The following SLCO3A1 variants were observed in gnomAD, a reference collection of about 807,000 sequenced individuals.
SLCO3A1 encodes PGE1 transporter.
Under a neutral mutation model 63.1 loss-of-function variants are expected in SLCO3A1, and 27 were observed. That is an observed-to-expected ratio of 0.43 (90% CI 0.32 to 0.59). SLCO3A1 has a LOEUF of 0.59. Ranked by LOEUF, SLCO3A1 falls within the 20% of genes least tolerant of loss-of-function variation. The pLI, the probability that SLCO3A1 is intolerant of heterozygous loss-of-function variation, is 0.09. For missense variants in SLCO3A1, 773 were observed against 945.8 expected, an observed-to-expected ratio of 0.82 and a Z score of 2.40; for synonymous variants, 473 against 409.9, an observed-to-expected ratio of 1.15 and a Z score of -1.86.
chr15:91,974,042 G>A (rs1900991433), intron 2 of SLCO3A1, among the ~76,000 whole-genome samples: 1 of 152,106 alleles, frequency 6.6e-6, no homozygotes. Context: ...GCAGGCACCA[G>A]TAGGTGACAA....
intron 2 of SLCO3A1, among the ~76,000 whole-genome samples, chr15:92,029,290 T>C (rs1329659634): frequency 6.6e-6 from 1 of 152,182 alleles, no homozygotes; most frequent in African/African-American, 2.4e-5. Flanking sequence ...TCCCTGGCGA[T>C]GGGAACAGCT....
chr15:91,943,447 T>C (rs1170233365), intron 2 of SLCO3A1, among the ~76,000 whole-genome samples: 1 of 152,216 alleles, frequency 6.6e-6, no homozygotes, highest in Non-Finnish European at 1.5e-5. Context: ...TCATATTTCA[T>C]TGTAGGTGTA....
intron 2 of SLCO3A1, among the ~76,000 whole-genome samples, chr15:91,993,828 C>T (rs1385391385): frequency 6.6e-6 from 1 of 152,218 alleles, no homozygotes; most frequent in East Asian, 1.9e-4. Flanking sequence ...ACCCTGCTCT[C>T]TTGGATCGCT....
Position 92,164,970 on chromosome 15 carries a change from G to GATTT in SLCO3A1, c.*1838_*1839insTATT. 1.0e-6 allele frequency: 1 copy of GATTT among 985,290 alleles called. No individual in the cohort carries two copies. The highest frequency in any genetic ancestry group is 1.2e-6 in the Non-Finnish European group (1 of 829,900). The allele number at this position is 985,290 out of a possible 1,614,324, so 61.0% of individuals were successfully genotyped here. ...GCGCTGGAAAAAAAACTCAAAGGTT[G>GATTT]ATTGGTTTGCTTTTTCACCTTGGAC... is the stretch of plus-strand genomic sequence containing the variant. On this transcript the variant is annotated 3_prime_UTR_variant, in exon 10 of 10. Transcript: ENST00000318445.
downstream of SLCO3A1, among the ~76,000 whole-genome samples, chr15:92,169,815 T>C (rs1405768028): frequency 1.3e-5 from 2 of 152,168 alleles, no homozygotes; most frequent in Non-Finnish European, 2.9e-5. Context: ...GGGGCACTTG[T>C]CATATTGAGT....
intron 3 of SLCO3A1, among the ~76,000 whole-genome samples, chr15:92,099,554 G>GGGTT (rs1159062221): frequency 1.3e-5 from 2 of 152,150 alleles, no homozygotes; most frequent in Non-Finnish European, 2.9e-5. Flanking sequence ...GCGTGTGGGT[G>GGGTT]GGTTGGTTGG....
chr15:92,028,991 C>T (rs2046612937), intron 2 of SLCO3A1, among the ~76,000 whole-genome samples: 1 of 149,844 alleles, frequency 6.7e-6, no homozygotes, highest in Admixed American at 6.7e-5. Flanking sequence ...ACCCCCAAAA[C>T]TGCCAGTTGA....
At chr15:91,999,878 C>T (rs1425886711) in intron 2 of SLCO3A1, among the ~76,000 whole-genome samples, 2 of 152,274 alleles carry the variant, frequency 1.3e-5, no homozygotes, top group South Asian at 2.1e-4. Context: ...AATATACTCT[C>T]GAAAACCATA....
At chr15:92,128,230 A>C in intron 6 of SLCO3A1, 121 bp from the exon 7 acceptor site, 1 of 1,187,382 alleles carries the variant, frequency 8.4e-7, no homozygotes, top group Non-Finnish European at 1.2e-6. Context: ...GAACCAGGTA[A>C]CAATCCCATA....
At chr15:91,993,951 A>G (rs757924072) in intron 2 of SLCO3A1, among the ~76,000 whole-genome samples, 1 of 152,312 alleles carries the variant, frequency 6.6e-6, no homozygotes, top group Non-Finnish European at 1.5e-5. Context: ...CTTTCCAGCC[A>G]TGAAAAGAAG....
At chr15:91,903,128 T>C (rs1479480686) in intron 1 of SLCO3A1, among the ~76,000 whole-genome samples, 2 of 152,182 alleles carry the variant, frequency 1.3e-5, no homozygotes, top group African/African-American at 4.8e-5. Context: ...AGTCAGCTCA[T>C]TGGATTCTCA....
At chr15:92,135,654 G>A (rs1478512535) in intron 7 of SLCO3A1, among the ~76,000 whole-genome samples, 1 of 152,214 alleles carries the variant, frequency 6.6e-6, no homozygotes, top group Non-Finnish European at 1.5e-5. Context: ...TCTGAGGAAC[G>A]TCAGTGAATT....
chr15:91,889,049 A>G lies in SLCO3A1; in HGVS notation c.181-26944A>G, dbSNP rs8037878. On this transcript the variant is annotated intron_variant, in intron 1 of 9. Coordinates refer to ENST00000318445, the MANE Select transcript of SLCO3A1 (RefSeq NM_013272.4). ...AAGAAAAACCAAAAAAAAAAAACCT[A>G]CAATTATTACTAGCTAACATATAGC... is the stretch of plus-strand genomic sequence containing the variant. The G allele has an allele frequency of 8.0e-3, 5,793 of 727,478 alleles. 299 individuals are homozygous for G. The African/African-American group carries it at 0.11, about 13-fold the overall frequency. 45.1% of individuals were successfully genotyped at this position (727,478 alleles called of 1,614,324 possible). A position where few individuals can be genotyped will look rare whatever the true frequency, so the allele number is the denominator to read the frequency against.
chr15:91,896,635 G>A (rs1268040627), intron 1 of SLCO3A1, among the ~76,000 whole-genome samples: 2 of 152,234 alleles, frequency 1.3e-5, no homozygotes. Context: ...TGTAAGACAT[G>A]CCTTTGCTTC....
chr15:92,101,477 C>A (rs575132653), intron 3 of SLCO3A1, among the ~76,000 whole-genome samples: 1 of 152,130 alleles, frequency 6.6e-6, no homozygotes, highest in Admixed American at 6.5e-5. Context: ...CCACTGCACT[C>A]CAGCCTGGCC....
rs1900205094 is a variant in SLCO3A1 at position 91,956,967 on chromosome 15, TATATATATAGTATATATAATATATAGTA to T, written c.646+40510_646+40537del. Reference sequence around the variant, plus strand: ...CATGCCTGGCTAATTTATTTATATATATATATATAGTATATATAATATATAGTATATATTATATATATAATATATAGTA... The same window carrying T: ...CATGCCTGGCTAATTTATTTATATATTATATTATATATATAATATATAGTA... On this transcript the variant is annotated intron_variant, in intron 2 of 9. Coordinates refer to ENST00000318445, the MANE Select transcript of SLCO3A1 (RefSeq NM_013272.4). Among the ~76,000 whole-genome samples, 7 of 32,912 alleles carry T rather than the reference TATATATATAGTATATATAATATATAGTA, an allele frequency of 2.1e-4. 3 individuals carry two copies. The highest frequency in any genetic ancestry group is 1.7e-3 in the African/African-American group (7 of 4,202). 21.6% of individuals were successfully genotyped at this position (32,912 alleles called of 152,430 possible). A position where few individuals can be genotyped will look rare whatever the true frequency, so the allele number is the denominator to read the frequency against.
intron 2 of SLCO3A1, among the ~76,000 whole-genome samples, chr15:92,005,036 C>G (rs1237137095): frequency 1.3e-5 from 2 of 152,208 alleles, no homozygotes; most frequent in Non-Finnish European, 2.9e-5. Flanking sequence ...CCACAACTTA[C>G]TAAAAAGCAG....
At chr15:92,117,779 A>G (rs2047813608) in intron 4 of SLCO3A1, among the ~76,000 whole-genome samples, 1 of 152,222 alleles carries the variant, frequency 6.6e-6, no homozygotes, top group East Asian at 1.9e-4. Context: ...ATAGACTTGT[A>G]ACATCCAAGG....
chr15:92,028,177 G>A lies in SLCO3A1; in HGVS notation c.647-66704G>A, dbSNP rs569411085. Among the ~76,000 whole-genome samples the A allele has an allele frequency of 3.3e-5, 5 of 152,294 alleles. No individual in the cohort carries two copies. The East Asian group carries it at 9.7e-4, about 29-fold the overall frequency. ...AGGGCAGCACACAGTGGGGGAGGCT[G>A]GTCGGTCGTATGTCAGGTGATGATG... On this transcript the variant is annotated intron_variant, in intron 2 of 9. Coordinates refer to ENST00000318445, the MANE Select transcript of SLCO3A1 (RefSeq NM_013272.4).
Sources: gnomAD v4.1 joint callset for allele counts (sites outside exome capture counted in the v4.1 genomes callset) on GRCh38, gnomAD v4.1.1 for gene constraint, MANE v1.5 for transcripts, NCBI Gene and HGNC (gene_info 2026-07-23, HGNC 2026-07-21) for gene names.